Variants in SLC9A9 observed in about 807,000 individuals in gnomAD.
The protein encoded by SLC9A9 is sodium/hydrogen exchanger 9.
A neutral mutation model predicts 77.8 loss-of-function variants in SLC9A9; 62 were observed. The ratio of observed to expected loss-of-function variants is 0.80; its 90% CI spans 0.65 to 0.98. The LOEUF is 0.98. SLC9A9 is among the 50% of genes least tolerant of loss of function. The pLI is 0.00. For missense variants in SLC9A9, 775 were observed against 774.9 expected (o/e 1.00, Z 0.00); for synonymous variants, 320 against 283.5 (o/e 1.13, Z -1.29).
Position 143,492,873 on chromosome 3 carries a change from T to C in SLC9A9, c.1315+780A>G, listed in dbSNP as rs569483239. Reference sequence around the variant, plus strand: ...TAACTGCCTCTGAGTACATTGTAAGTGTACAGCTACATAGGAATCACGTAA... The same window carrying C: ...TAACTGCCTCTGAGTACATTGTAAGCGTACAGCTACATAGGAATCACGTAA... On this transcript the variant is annotated intron_variant, in intron 11 of 15. Transcript: ENST00000316549. Among the ~76,000 whole-genome samples, 42 of 152,324 alleles carry C rather than the reference T, an allele frequency of 2.8e-4. No individual in the cohort carries two copies. In the East Asian group the frequency reaches 5.2e-3, roughly 19 times the overall value.
intron 6 of SLC9A9, among the ~76,000 whole-genome samples, chr3:143,611,831 C>T (rs2038027476): frequency 6.6e-6 from 1 of 152,078 alleles, no homozygotes; most frequent in South Asian, 2.1e-4. Flanking sequence ...CCTCCTGGGT[C>T]TAAGTAATCT....
At chr3:143,835,013 C>G (rs2009533482) in intron 1 of SLC9A9, among the ~76,000 whole-genome samples, 1 of 152,122 alleles carries the variant, frequency 6.6e-6, no homozygotes, top group Admixed American at 6.5e-5. Context: ...CTAAGGCAAG[C>G]AGATGGGGAC....
chr3:143,501,538 C>A (rs1017021156), intron 9 of SLC9A9, among the ~76,000 whole-genome samples: 2 of 150,908 alleles, frequency 1.3e-5, no homozygotes, highest in South Asian at 2.1e-4. Flanking sequence ...AAGAATGAAG[C>A]AATTTGCATC....
At chr3:143,652,877 C>A (rs571546386) in intron 5 of SLC9A9, among the ~76,000 whole-genome samples, 3 of 152,004 alleles carry the variant, frequency 2.0e-5, no homozygotes, top group Admixed American at 6.6e-5. Flanking sequence ...CCCTCCCAAC[C>A]CTTCAACTGC....
At chr3:143,509,222 T>C (rs1272092691) in intron 9 of SLC9A9, among the ~76,000 whole-genome samples, 2 of 152,154 alleles carry the variant, frequency 1.3e-5, no homozygotes, top group African/African-American at 2.4e-5. Context: ...CAAAAATATA[T>C]GACATTTGGA....
At chr3:143,683,033 C>T (rs1379370559) in intron 5 of SLC9A9, among the ~76,000 whole-genome samples, 2 of 152,086 alleles carry the variant, frequency 1.3e-5, no homozygotes, top group Non-Finnish European at 2.9e-5. Flanking sequence ...CATTATTTTG[C>T]CTACCATGAA....
chr3:143,711,214 T>A (rs1469892233), intron 4 of SLC9A9, among the ~76,000 whole-genome samples: 1 of 152,210 alleles, frequency 6.6e-6, no homozygotes, highest in African/African-American at 2.4e-5. Context: ...TTGTGATGCA[T>A]GTAATACAAC....
intron 14 of SLC9A9, among the ~76,000 whole-genome samples, chr3:143,357,847 C>T (rs2032634717): frequency 6.6e-6 from 1 of 152,072 alleles, no homozygotes; most frequent in South Asian, 2.1e-4. Context: ...CGAACTACCC[C>T]AATAAATGAT....
chr3:143,691,564 A>G (rs1933467240), intron 5 of SLC9A9, among the ~76,000 whole-genome samples: 1 of 152,152 alleles, frequency 6.6e-6, no homozygotes, highest in Non-Finnish European at 1.5e-5. Flanking sequence ...GTTGATGAAC[A>G]TTGTCCAAAC....
intron 11 of SLC9A9, among the ~76,000 whole-genome samples, chr3:143,474,618 C>T (rs1022927869): frequency 6.6e-5 from 10 of 151,696 alleles, no homozygotes; most frequent in South Asian, 2.1e-4. Context: ...TGTATAAGGG[C>T]GATCAAGGGT....
At chr3:143,838,474 T>C (rs2009628927) in intron 1 of SLC9A9, among the ~76,000 whole-genome samples, 1 of 152,052 alleles carries the variant, frequency 6.6e-6, no homozygotes, top group Non-Finnish European at 1.5e-5. Flanking sequence ...GAGTTCCTTG[T>C]TGGGAGGCAG....
At position 143,655,681 on chromosome 3, in the gene SLC9A9, TACACACACACACACAC is replaced by T. The variant is rs4024568; in HGVS notation, c.650-3337_650-3322del. The T allele has an allele frequency of 5.7e-5, 36 of 627,286 alleles. No homozygotes were observed. In the African/African-American group the frequency reaches 5.9e-4, roughly 10 times the overall value. The allele number at this position is 627,286 out of a possible 1,614,324, so 38.9% of individuals were successfully genotyped here. A position where few individuals can be genotyped will look rare whatever the true frequency, so the allele number is the denominator to read the frequency against. On this transcript the variant is annotated intron_variant, in intron 5 of 15. Transcript: ENST00000316549. ...GCTCAAGGAGATGAACATGCACATG[TACACACACACACACAC>T]ACACACACACACACAAACACACCCC...
rs144623036 is a variant in SLC9A9 at position 143,270,158 on chromosome 3, C to T, written c.1605-1178G>A. Among the ~76,000 whole-genome samples, 532 of 152,326 alleles carry T rather than the reference C, an allele frequency of 3.5e-3. 1 individual carries two copies. The highest frequency in any genetic ancestry group is 0.012 in the African/African-American group (505 of 41,586). On this transcript the variant is annotated intron_variant, in intron 14 of 15. Coordinates refer to ENST00000316549, the MANE Select transcript of SLC9A9 (RefSeq NM_173653.4). Reference sequence around the variant, plus strand: ...AAATAGAAAAGTTGATCCCTCCTTTCAGATGGGCAGCTGTTGTGCCCAGTT... The same window carrying T: ...AAATAGAAAAGTTGATCCCTCCTTTTAGATGGGCAGCTGTTGTGCCCAGTT...
chr3:143,410,346 C>T (rs1422917359), intron 12 of SLC9A9, among the ~76,000 whole-genome samples: 1 of 152,224 alleles, frequency 6.6e-6, no homozygotes, highest in East Asian at 1.9e-4. Context: ...CCCCTGCCTG[C>T]TTCAGGCATC....
At chr3:143,579,042 T>G (rs2037412387) in intron 6 of SLC9A9, among the ~76,000 whole-genome samples, 1 of 152,218 alleles carries the variant, frequency 6.6e-6, no homozygotes, top group Non-Finnish European at 1.5e-5. Flanking sequence ...GCTGAGAAGA[T>G]AGATAACTGT....
At chr3:143,806,096 C>G (rs912585615) in intron 2 of SLC9A9, among the ~76,000 whole-genome samples, 8 of 151,096 alleles carry the variant, frequency 5.3e-5, no homozygotes, top group African/African-American at 1.9e-4. Flanking sequence ...TCCCCTACCC[C>G]CCGTCCCCCA....
intron 14 of SLC9A9, among the ~76,000 whole-genome samples, chr3:143,302,995 T>G (rs921043163): frequency 6.6e-6 from 1 of 152,202 alleles, no homozygotes; most frequent in Admixed American, 6.5e-5. Context: ...CAGCCTTCCC[T>G]GCCCGCCCTC....
At chr3:143,721,675 C>T (rs1000325003) in intron 4 of SLC9A9, among the ~76,000 whole-genome samples, 4 of 152,260 alleles carry the variant, frequency 2.6e-5, no homozygotes, top group Non-Finnish European at 4.4e-5. Flanking sequence ...GAAGCAGCCA[C>T]GTCTTTACAG....
chr3:143,720,401 C>T (rs1433505466), intron 4 of SLC9A9, among the ~76,000 whole-genome samples: 1 of 152,120 alleles, frequency 6.6e-6, no homozygotes, highest in Non-Finnish European at 1.5e-5. Context: ...TCTTTTCCTG[C>T]CAATCAAAGT....
Sources: allele counts gnomAD v4.1 joint callset (sites outside exome capture counted in the v4.1 genomes callset), GRCh38; gene constraint gnomAD v4.1.1; transcripts MANE v1.5; gene names NCBI Gene and HGNC (gene_info 2026-07-23, HGNC 2026-07-21).